Variants in C8orf34 observed in about 807,000 individuals in gnomAD.
The protein encoded by C8orf34 is chromosome 8 open reading frame 34, also known as uncharacterized protein C8orf34.
Under a neutral mutation model 68.3 loss-of-function variants are expected in C8orf34, and 65 were observed. The observed-to-expected ratio is 0.95, with a 90% CI of 0.78 to 1.17. The LOEUF (loss-of-function observed/expected upper bound fraction) is 1.17. Among genes scored for constraint, C8orf34 ranks in the 50% most tolerant of loss-of-function variants. The pLI is 0.00. For missense variants in C8orf34, 664 were observed against 655.4 expected (o/e 1.01, Z -0.14); for synonymous variants, 244 against 241.2 (o/e 1.01, Z -0.11).
chr8:68,572,773 C>G (rs778557433), intron 7 of C8orf34, among the ~76,000 whole-genome samples: 13 of 152,062 alleles, frequency 8.5e-5, no homozygotes, highest in Non-Finnish European at 1.9e-4. Context: ...CTTGAAAGTG[C>G]TAAGTTTAGC....
chr8:68,716,979 T>C (rs887715804), intron 9 of C8orf34, among the ~76,000 whole-genome samples: 7 of 151,780 alleles, frequency 4.6e-5, no homozygotes, highest in South Asian at 4.2e-4. Context: ...TTCAGATTTC[T>C]ACTGTGTAAA....
intron 7 of C8orf34, among the ~76,000 whole-genome samples, chr8:68,617,792 T>C (rs1390175960): frequency 6.6e-6 from 1 of 152,174 alleles, no homozygotes; most frequent in Admixed American, 6.5e-5. Context: ...GGAGTATCTT[T>C]GTGGAGTTCT....
chr8:68,811,983 T>A (rs999864085), intron 12 of C8orf34, among the ~76,000 whole-genome samples: 2 of 152,164 alleles, frequency 1.3e-5, no homozygotes, highest in African/African-American at 4.8e-5. Flanking sequence ...GGGAGGGATG[T>A]GTGTAAAGAT....
At chr8:68,448,049 C>T (rs530400371) in intron 3 of C8orf34, 22 of 152,176 alleles carry the variant, frequency 1.4e-4, no homozygotes, top group African/African-American at 4.8e-4. Context: ...TGGATCCCTA[C>T]CTCTCTCTCT....
At chr8:68,505,697 G>A (rs1419246451) in intron 5 of C8orf34, among the ~76,000 whole-genome samples, 1 of 142,198 alleles carries the variant, frequency 7.0e-6, no homozygotes, top group Non-Finnish European at 1.5e-5. Flanking sequence ...CGCCACTGCA[G>A]TCCGCAGTCC....
chr8:68,737,744 T>A (rs1459258365), intron 10 of C8orf34, among the ~76,000 whole-genome samples: 1 of 151,956 alleles, frequency 6.6e-6, no homozygotes, highest in African/African-American at 2.4e-5. Context: ...TACATGCACC[T>A]AACATAGGAG....
chr8:68,436,859 G>A (rs1254883931), intron 1 of C8orf34, among the ~76,000 whole-genome samples: 1 of 152,126 alleles, frequency 6.6e-6, no homozygotes, highest in Non-Finnish European at 1.5e-5. Context: ...GTGGTGGAAA[G>A]AAATCAATCT....
At chr8:68,617,589 C>A (rs1818263575) in intron 7 of C8orf34, among the ~76,000 whole-genome samples, 1 of 152,188 alleles carries the variant, frequency 6.6e-6, no homozygotes, top group African/African-American at 2.4e-5. Flanking sequence ...AAATTCTTTT[C>A]TTTAAGAATG....
chr8:68,714,408 T>A (rs1821411229), intron 9 of C8orf34, among the ~76,000 whole-genome samples: 1 of 152,090 alleles, frequency 6.6e-6, no homozygotes, highest in South Asian at 2.1e-4. Context: ...CTCCTAGAAC[T>A]GGTAAATGAA....
intron 1 of C8orf34, among the ~76,000 whole-genome samples, chr8:68,392,423 A>G (rs1808514651): frequency 6.6e-6 from 1 of 151,952 alleles, no homozygotes; most frequent in East Asian, 1.9e-4. Context: ...TATAATTTAA[A>G]AACTCTGGAA....
chr8:68,460,242 G>A (rs1428979932), intron 3 of C8orf34, among the ~76,000 whole-genome samples: 1 of 152,192 alleles, frequency 6.6e-6, no homozygotes, highest in Non-Finnish European at 1.5e-5. Flanking sequence ...TGGGGGAGGG[G>A]CGCCCGCCAT....
chr8:68,534,637 T>A, intron 7 of C8orf34: 1 of 985,384 alleles, frequency 1.0e-6, no homozygotes, highest in South Asian at 4.7e-5. Flanking sequence ...GCTCAGCAGG[T>A]GGGGTGTGGT....
At chr8:68,744,831 C>A (rs576179036) in intron 10 of C8orf34, among the ~76,000 whole-genome samples, 4 of 152,164 alleles carry the variant, frequency 2.6e-5, no homozygotes, top group Non-Finnish European at 4.4e-5. Context: ...TCCAGGAGAA[C>A]TTCCCCAATC....
chr8:68,651,654 A>G (rs1228147966), intron 8 of C8orf34, among the ~76,000 whole-genome samples: 1 of 152,222 alleles, frequency 6.6e-6, no homozygotes, highest in East Asian at 1.9e-4. Context: ...TAAGAAACAG[A>G]AAATAAAATA....
At chr8:68,524,773 G>A (rs1037356849) in intron 6 of C8orf34, among the ~76,000 whole-genome samples, 2 of 152,036 alleles carry the variant, frequency 1.3e-5, no homozygotes, top group African/African-American at 2.4e-5. Context: ...AATTTAATAA[G>A]CCTATATACT....
rs1369685255 is a variant in C8orf34 at position 68,331,229 on chromosome 8, C to T, written c.217C>T (p.Arg73Cys). The change falls in exon 1 of 14, where the codon CGC (arginine) becomes TGC (cysteine). Residue 73 changes from arginine to cysteine, a missense_variant. By Grantham distance (180) the Arg-to-Cys change is radical. Transcript: ENST00000518698. ...TGTCCCCAGCGGAGGCGCACAGCCG[C>T]GCGTTCTCCCTGCACTCTCTTCGCG... ...RVVPSGGAQP[R>C]VLPALSSRSH... 3 of 1,536,062 alleles carry T rather than the reference C, an allele frequency of 2.0e-6. No individual in the cohort carries two copies. Among genetic ancestry groups the T allele is most frequent in the African/African-American group, 2.7e-5 (2 of 73,030 alleles).
At chr8:68,716,440 TA>T (rs1395608505) in intron 9 of C8orf34, among the ~76,000 whole-genome samples, 4 of 151,950 alleles carry the variant, frequency 2.6e-5, no homozygotes, top group African/African-American at 9.7e-5. Context: ...ATTTAATAAA[TA>T]AAAAATCAAT....
intron 10 of C8orf34, among the ~76,000 whole-genome samples, chr8:68,747,744 A>G (rs1388422445): frequency 4.6e-5 from 7 of 151,878 alleles, no homozygotes; most frequent in African/African-American, 1.7e-4. Flanking sequence ...GAGGATACAA[A>G]CAAATGGAAG....
At chr8:68,535,999 A>G (rs529095512) in intron 7 of C8orf34, among the ~76,000 whole-genome samples, 1 of 152,152 alleles carries the variant, frequency 6.6e-6, no homozygotes, top group Non-Finnish European at 1.5e-5. Flanking sequence ...CACTATGAAA[A>G]AAAGGTTATA....
Sources: allele counts gnomAD v4.1 joint callset (sites outside exome capture counted in the v4.1 genomes callset), GRCh38; gene constraint gnomAD v4.1.1; transcripts MANE v1.5; gene names NCBI Gene and HGNC (gene_info 2026-07-23, HGNC 2026-07-21).